Variants in JMJD1C observed in about 807,000 individuals in gnomAD.
JMJD1C encodes the protein jumonji domain-containing protein 1C.
In JMJD1C, 31 loss-of-function variants were observed where a neutral mutation model predicts 245.3. The observed-to-expected ratio is 0.13, with a 90% confidence interval of 0.09 to 0.17. JMJD1C has a LOEUF of 0.17. Among genes scored for constraint, JMJD1C ranks in the 10% least tolerant of loss-of-function variants. The pLI, the probability that JMJD1C is intolerant of heterozygous loss-of-function variation, is 1.00. For missense variants in JMJD1C, 2,691 were observed against 3,000.2 expected (o/e 0.90, Z 2.41); for synonymous variants, 1,057 against 1,017.4 (o/e 1.04, Z -0.74).
chr10:63,350,885 CT>C (rs1944298473), intron 2 of JMJD1C, among the ~76,000 whole-genome samples: 1 of 152,058 alleles, frequency 6.6e-6, no homozygotes, highest in Non-Finnish European at 1.5e-5. Flanking sequence ...TCCCAAAGTG[CT>C]GGGATTACAG....
At chr10:63,441,273 G>T (rs1951369056) in intron 1 of JMJD1C, among the ~76,000 whole-genome samples, 1 of 152,038 alleles carries the variant, frequency 6.6e-6, no homozygotes, top group Non-Finnish European at 1.5e-5. Context: ...TCTATTACTG[G>T]GACCTAGTAT....
intron 2 of JMJD1C, among the ~76,000 whole-genome samples, chr10:63,303,089 A>T (rs1040560265): frequency 2.0e-5 from 3 of 151,922 alleles, no homozygotes; most frequent in African/African-American, 7.3e-5. Flanking sequence ...TAGGAAAAAA[A>T]TTGTGTTGTA....
rs776451741 is a variant in JMJD1C, at chr10:63,192,913, T to G, written c.6076+25A>C. On this transcript the variant is annotated intron_variant, in intron 16 of 25. Coordinates refer to ENST00000399262, the MANE Select transcript of JMJD1C (RefSeq NM_032776.3). ...AGTTATACTATACTCCTCTCACACA[T>G]GCCTAGATAATCAATTATGTTTACC... The G allele has an allele frequency of 2.6e-6, 4 of 1,535,754 alleles. No individual in the cohort carries two copies. In the African/African-American group the frequency reaches 5.5e-5, roughly 21 times the overall value.
At chr10:63,254,193 A>C (rs1338125625) in intron 3 of JMJD1C, among the ~76,000 whole-genome samples, 1 of 152,036 alleles carries the variant, frequency 6.6e-6, no homozygotes, top group Non-Finnish European at 1.5e-5. Context: ...AACCAAAAAA[A>C]CAAACAAACA....
intron 8 of JMJD1C, 132 bp downstream of exon 8, chr10:63,213,341 G>A (rs1269412207): frequency 1.7e-6 from 1 of 604,342 alleles, no homozygotes; most frequent in African/African-American, 1.8e-5. Context: ...CTAAGTGTAT[G>A]GAAAAACAAC....
At chr10:63,279,498 T>C (rs988655731) in intron 2 of JMJD1C, among the ~76,000 whole-genome samples, 3 of 152,198 alleles carry the variant, frequency 2.0e-5, no homozygotes, top group Non-Finnish European at 4.4e-5. Context: ...TTGAAATGCA[T>C]GTGAAAGAGG....
At chr10:63,518,492 T>G (rs900856354) in intron 1 of JMJD1C, among the ~76,000 whole-genome samples, 1 of 152,206 alleles carries the variant, frequency 6.6e-6, no homozygotes, top group Non-Finnish European at 1.5e-5. Context: ...GCTGAATATA[T>G]CTATGAATGC....
intron 1 of JMJD1C, among the ~76,000 whole-genome samples, chr10:63,518,753 C>G (rs993571822): frequency 6.6e-6 from 1 of 152,206 alleles, no homozygotes; most frequent in Admixed American, 6.5e-5. Flanking sequence ...CTGTCCCACA[C>G]CTCTCTAGCC....
chr10:63,313,226 A>C (rs1365602424), intron 2 of JMJD1C, among the ~76,000 whole-genome samples: 2 of 152,160 alleles, frequency 1.3e-5, no homozygotes, highest in African/African-American at 4.8e-5. Context: ...GAGTTACTTC[A>C]CTTAGAGTAA....
chr10:63,257,312 G>A (rs774194693), intron 3 of JMJD1C, among the ~76,000 whole-genome samples: 3 of 152,008 alleles, frequency 2.0e-5, no homozygotes, highest in Non-Finnish European at 4.4e-5. Context: ...AAATGATCCT[G>A]GTTTTCCAAT....
chr10:63,210,615 G>C (rs1201928947), intron 8 of JMJD1C, among the ~76,000 whole-genome samples: 1 of 152,134 alleles, frequency 6.6e-6, no homozygotes, highest in African/African-American at 2.4e-5. Flanking sequence ...ACACAAATCT[G>C]TTAGCCAGCT....
Position 63,209,138 on chromosome 10 carries a change from T to A in JMJD1C, c.2792A>T (p.Glu931Val). 1 of 1,614,042 alleles carries A rather than the reference T, an allele frequency of 6.2e-7. No homozygotes were observed. Reference sequence around the variant, plus strand: ...TGTAATTTTAAGAGGCCGATGAGGCTCTGCACTGGAAGGTCTGACAGGAAT... The same window carrying A: ...TGTAATTTTAAGAGGCCGATGAGGCACTGCACTGGAAGGTCTGACAGGAAT... ...SHIPVRPSSA[E>V]PHRPLKITAH... The change falls in exon 9 of 26, where the codon GAG (glutamate) becomes GTG (valine). Residue 931 changes from glutamate (E) to valine (V), a missense_variant. Physicochemically the swap from Glu to Val is moderately radical, Grantham distance 121. Coordinates refer to ENST00000399262, the MANE Select transcript of JMJD1C (RefSeq NM_032776.3).
At chr10:63,442,210 A>C (rs1474153698) in intron 1 of JMJD1C, among the ~76,000 whole-genome samples, 1 of 152,212 alleles carries the variant, frequency 6.6e-6, no homozygotes, top group Non-Finnish European at 1.5e-5. Context: ...GAACAAGCCC[A>C]GAGTAGGATG....
Position 63,190,990 on chromosome 10 carries a change from G to C in JMJD1C, c.6195C>G (p.Thr2065=). The C allele has an allele frequency of 1.9e-6, 3 of 1,614,154 alleles. No individual in the cohort carries two copies. In the South Asian group the frequency reaches 3.3e-5, roughly 18 times the overall value. ...CTGTTGTAGTCAGCAAATCCCGTAA[G>C]GTTGAGCCTTGTTCATTATTCTGGG... ...LVSQNNEQGS[T]LRDLLTTTAG... is the part of the protein sequence containing the mutation. Residue 2065 remains threonine, a synonymous_variant, in exon 17 of 26, where the codon ACC becomes ACG. Coordinates refer to ENST00000399262, the MANE Select transcript of JMJD1C (RefSeq NM_032776.3).
intron 1 of JMJD1C, among the ~76,000 whole-genome samples, chr10:63,462,688 G>C (rs1952882156): frequency 1.3e-5 from 2 of 152,136 alleles, no homozygotes. Context: ...TTAAGATGGA[G>C]GAAGGGGGCC....
chr10:63,432,579 C>A (rs1459645537), intron 1 of JMJD1C, among the ~76,000 whole-genome samples: 1 of 152,180 alleles, frequency 6.6e-6, no homozygotes, highest in African/African-American at 2.4e-5. Flanking sequence ...AGAACAACAG[C>A]CCAGTCTTCA....
intron 1 of JMJD1C, among the ~76,000 whole-genome samples, chr10:63,453,761 T>TA (rs1952223194): frequency 6.6e-6 from 1 of 152,200 alleles, no homozygotes; most frequent in Admixed American, 6.5e-5. Context: ...TGTTTTGAGA[T>TA]AGAGTCTCGC....
chr10:63,504,759 C>G (rs1229658293), intron 1 of JMJD1C, among the ~76,000 whole-genome samples: 1 of 152,094 alleles, frequency 6.6e-6, no homozygotes, highest in African/African-American at 2.4e-5. Context: ...AATAGGGGGC[C>G]AGACACAGAG....
intron 2 of JMJD1C, among the ~76,000 whole-genome samples, chr10:63,340,500 G>A (rs555699216): frequency 3.9e-5 from 6 of 152,236 alleles, no homozygotes; most frequent in South Asian, 2.1e-4. Context: ...ATATTCCTAC[G>A]GGTAACGGTT....
Sources: gnomAD v4.1 joint callset for allele counts (sites outside exome capture counted in the v4.1 genomes callset) on GRCh38, gnomAD v4.1.1 for gene constraint, MANE v1.5 for transcripts, NCBI Gene and HGNC (gene_info 2026-07-23, HGNC 2026-07-21) for gene names.